The following PTPRT variants were observed in gnomAD, a reference collection of about 807,000 sequenced individuals.
PTPRT encodes the protein receptor-type tyrosine-protein phosphatase T.
PTPRT carries 56 observed loss-of-function variants against 176.8 expected under a neutral mutation model. That is an observed-to-expected ratio of 0.32 (90% CI 0.26 to 0.40). The LOEUF (loss-of-function observed/expected upper bound fraction) is 0.40. PTPRT is among the 10% of genes least tolerant of loss of function. The probability of loss-of-function intolerance (pLI) is 1.00; values close to 1 mark genes in which losing one functional copy is unlikely to be tolerated. For synonymous variants in PTPRT, 783 were observed against 739.0 expected, an observed-to-expected ratio of 1.06 and a Z score of -0.96; for missense variants, 1,540 against 1,908.2, an observed-to-expected ratio of 0.81 and a Z score of 3.60.
intron 2 of PTPRT, among the ~76,000 whole-genome samples, chr20:42,862,045 C>T (rs753933066): frequency 1.3e-5 from 2 of 152,192 alleles, no homozygotes; most frequent in Non-Finnish European, 2.9e-5. Flanking sequence ...CACACGCACA[C>T]ACACACACAC....
At chr20:42,826,181 T>A (rs1202944289) in intron 2 of PTPRT, among the ~76,000 whole-genome samples, 1 of 151,944 alleles carries the variant, frequency 6.6e-6, no homozygotes. Context: ...GAAACCAACA[T>A]ACTGAGTGAA....
At chr20:42,638,510 A>G (rs2074661566) in intron 7 of PTPRT, among the ~76,000 whole-genome samples, 1 of 152,118 alleles carries the variant, frequency 6.6e-6, no homozygotes, top group South Asian at 2.1e-4. Flanking sequence ...GTTGGGCCCA[A>G]CAATGGATTT....
chr20:42,418,250 T>C (rs2059084691), intron 9 of PTPRT, among the ~76,000 whole-genome samples: 1 of 152,228 alleles, frequency 6.6e-6, no homozygotes, highest in Non-Finnish European at 1.5e-5. Flanking sequence ...ACTAAAACTA[T>C]ACATTATTAA....
At chr20:42,281,466 C>G (rs2057137580) in intron 13 of PTPRT, among the ~76,000 whole-genome samples, 1 of 151,988 alleles carries the variant, frequency 6.6e-6, no homozygotes, top group South Asian at 2.1e-4. Context: ...TGTGATGGGT[C>G]TTGGTGCACA....
chr20:42,540,132 T>C (rs2072551856), intron 7 of PTPRT, among the ~76,000 whole-genome samples: 1 of 152,174 alleles, frequency 6.6e-6, no homozygotes, highest in African/African-American at 2.4e-5. Flanking sequence ...GATGAGACAC[T>C]GATCATGTCA....
intron 1 of PTPRT, among the ~76,000 whole-genome samples, chr20:43,098,174 T>C (rs1378856487): frequency 2.0e-5 from 3 of 152,158 alleles, no homozygotes; most frequent in African/African-American, 7.2e-5. Flanking sequence ...ATTTGGAACT[T>C]TATCACAGAC....
chr20:42,592,328 T>C (rs1374502766), intron 7 of PTPRT, among the ~76,000 whole-genome samples: 1 of 152,140 alleles, frequency 6.6e-6, no homozygotes, highest in Non-Finnish European at 1.5e-5. Flanking sequence ...ACTGGATAAA[T>C]AGGCAACCTC....
chr20:42,047,307 G>C, the PTPRT span, among the ~76,000 whole-genome samples: 36 of 152,298 alleles, frequency 2.4e-4, no homozygotes. Context: ...ACCTTGTTTA[G>C]CAAATAGGCT....
intron 7 of PTPRT, among the ~76,000 whole-genome samples, chr20:42,614,578 T>G (rs769318691): frequency 1.3e-5 from 2 of 152,090 alleles, no homozygotes; most frequent in Non-Finnish European, 2.9e-5. Context: ...TTTTTCAACT[T>G]TCACCATGCT....
Position 42,248,813 on chromosome 20 carries a change from G to A in PTPRT, c.2186C>T (p.Thr729Ile). The change falls in exon 14 of 31, where the codon ACC (threonine) becomes ATC (isoleucine). Residue 729 changes from threonine to isoleucine, a missense_variant. Thr to Ile is a moderately conservative substitution (Grantham distance 89). This residue lies in a region of PTPRT where 255 missense variants were observed against 250.1 expected (regional missense o/e 1.02). Transcript: ENST00000373187. ...CVRLATKGAS[T>I]QNSNTVEPEK... ...TGGCTCCACAGTGTTAGAATTCTGG[G>A]TGGAGGCACCTAGGAAGGGAAAGGG... 6.2e-7 allele frequency: 1 copy of A among 1,613,924 alleles called. No homozygotes were observed. Among genetic ancestry groups the A allele is most frequent in the African/African-American group, 1.3e-5 (1 of 75,050 alleles).
intron 1 of PTPRT, among the ~76,000 whole-genome samples, chr20:42,918,981 A>G (rs538029912): frequency 6.6e-6 from 1 of 152,326 alleles, no homozygotes; most frequent in African/African-American, 2.4e-5. Context: ...CTAAACAGTA[A>G]AACAGATTTT....
chr20:42,235,026 TTC>T (rs1156306628), intron 15 of PTPRT, among the ~76,000 whole-genome samples: 3 of 152,176 alleles, frequency 2.0e-5, no homozygotes, highest in African/African-American at 7.2e-5. Flanking sequence ...AAGCCAGGCA[TTC>T]TCTGTTTTAA....
At position 42,408,726 on chromosome 20, in the gene PTPRT, TTATC is replaced by T. The variant is rs541050510; in HGVS notation, c.1560+39490_1560+39493del. On this transcript the variant is annotated intron_variant, in intron 9 of 30. Transcript: ENST00000373187. Reference sequence around the variant, plus strand: ...AAAAATGAAATTATAAGGAAAAAGATTATCTAACTATCTCGGTCTGCCTTCTGCT... The same window carrying T: ...AAAAATGAAATTATAAGGAAAAAGATTAACTATCTCGGTCTGCCTTCTGCT... Among the ~76,000 whole-genome samples the T allele has an allele frequency of 1.1e-3, 164 of 152,310 alleles. 1 individual carries two copies. The highest frequency in any genetic ancestry group is 3.8e-3 in the African/African-American group (160 of 41,560).
chr20:42,585,664 T>C (rs933478733), intron 7 of PTPRT, among the ~76,000 whole-genome samples: 4 of 152,162 alleles, frequency 2.6e-5, no homozygotes, highest in African/African-American at 9.7e-5. Context: ...TATCTAATCA[T>C]ATAAAGAAAC....
chr20:42,413,486 A>G (rs2059036400), intron 9 of PTPRT, among the ~76,000 whole-genome samples: 1 of 152,190 alleles, frequency 6.6e-6, no homozygotes, highest in African/African-American at 2.4e-5. Context: ...GGTAGGCTTA[A>G]AAACCCCCAG....
chr20:42,526,963 T>C (rs1007409964), intron 7 of PTPRT, among the ~76,000 whole-genome samples: 18 of 126,628 alleles, frequency 1.4e-4, no homozygotes, highest in South Asian at 2.8e-4. Context: ...TTTCTTTTTT[T>C]TTTTTTTTTT....
intron 9 of PTPRT, among the ~76,000 whole-genome samples, chr20:42,421,097 C>A (rs1216473723): frequency 2.6e-5 from 4 of 152,094 alleles, no homozygotes; most frequent in Non-Finnish European, 1.5e-5. Flanking sequence ...TCTTTTAATT[C>A]TCCTTGGAAT....
intron 15 of PTPRT, among the ~76,000 whole-genome samples, chr20:42,235,585 T>C (rs1463123308): frequency 6.6e-6 from 1 of 152,088 alleles, no homozygotes; most frequent in Non-Finnish European, 1.5e-5. Flanking sequence ...AGAAAAATAA[T>C]CACTTTTTTT....
At chr20:42,863,510 G>C (rs764078327) in intron 2 of PTPRT, among the ~76,000 whole-genome samples, 4 of 152,194 alleles carry the variant, frequency 2.6e-5, no homozygotes, top group Non-Finnish European at 4.4e-5. Context: ...AAGCCATAGT[G>C]ATGTTCAGAC....
Sources: allele counts gnomAD v4.1 joint callset (sites outside exome capture counted in the v4.1 genomes callset), GRCh38; gene constraint gnomAD v4.1.1; regional missense constraint gnomAD v4.1.1; transcripts MANE v1.5; gene names NCBI Gene and HGNC (gene_info 2026-07-23, HGNC 2026-07-21).